Variants in NPAS2 observed in about 807,000 individuals in gnomAD.
NPAS2 encodes the protein neuronal PAS domain-containing protein 2.
NPAS2 carries 23 observed loss-of-function variants against 107.5 expected under a neutral mutation model. The observed-to-expected ratio is 0.21, with a 90% CI of 0.15 to 0.30. The LOEUF (loss-of-function observed/expected upper bound fraction) is 0.30, where lower values mean the gene tolerates loss of function less well. NPAS2 is among the 10% of genes least tolerant of loss of function. The pLI is 1.00. For synonymous variants in NPAS2, 403 were observed against 417.5 expected (o/e 0.97, Z 0.42); for missense variants, 756 against 1,043.3 (o/e 0.72, Z 3.79).
At chr2:100,945,571 C>T (rs957035230) in intron 5 of NPAS2, among the ~76,000 whole-genome samples, 3 of 152,200 alleles carry the variant, frequency 2.0e-5, no homozygotes, top group African/African-American at 7.2e-5. Context: ...CGTGGCTCCT[C>T]CTGGCACAGG....
At chr2:100,842,301 C>T (rs773041978) in intron 1 of NPAS2, among the ~76,000 whole-genome samples, 1 of 152,140 alleles carries the variant, frequency 6.6e-6, no homozygotes, top group Non-Finnish European at 1.5e-5. Context: ...CCTTTCCATC[C>T]CATCTCCAAG....
chr2:100,954,243 G>T (rs372890891), intron 7 of NPAS2, among the ~76,000 whole-genome samples: 5 of 152,304 alleles, frequency 3.3e-5, no homozygotes, highest in African/African-American at 1.2e-4. Context: ...CTTTAGGTGC[G>T]TTGCTTTGCA....
chr2:100,821,668 T>A (rs957635222), intron 1 of NPAS2, among the ~76,000 whole-genome samples: 5 of 152,298 alleles, frequency 3.3e-5, no homozygotes, highest in African/African-American at 9.6e-5. Context: ...TCCCCATCAG[T>A]GAATTGACCA....
At chr2:100,876,274 G>A (rs970222296) in intron 1 of NPAS2, among the ~76,000 whole-genome samples, 3 of 152,180 alleles carry the variant, frequency 2.0e-5, no homozygotes, top group African/African-American at 7.2e-5. Context: ...CTGAACCAAG[G>A]CGTGTGGCTG....
chr2:100,870,996 G>A (rs1036477550), intron 1 of NPAS2, among the ~76,000 whole-genome samples: 14 of 152,092 alleles, frequency 9.2e-5, no homozygotes, highest in Non-Finnish European at 1.8e-4. Context: ...TCCTGTTAAC[G>A]CTGTTCTGAC....
At chr2:100,974,674 G>T in intron 12 of NPAS2, 129 bp from the exon 13 acceptor site, 1 of 1,008,174 alleles carries the variant, frequency 9.9e-7, no homozygotes, top group Admixed American at 2.7e-5. Context: ...CTTTGGAATC[G>T]TCCCCAAACA....
chr2:100,905,017 T>A (rs1682053322), intron 2 of NPAS2, among the ~76,000 whole-genome samples: 2 of 152,156 alleles, frequency 1.3e-5, no homozygotes, highest in African/African-American at 4.8e-5. Flanking sequence ...GGCTGAGTGG[T>A]CTGGGTTTTT....
At chr2:100,924,347 T>C (rs1360854162) in intron 2 of NPAS2, among the ~76,000 whole-genome samples, 1 of 152,238 alleles carries the variant, frequency 6.6e-6, no homozygotes, top group African/African-American at 2.4e-5. Context: ...TATGGTGTCA[T>C]ACAGAGTGGA....
At chr2:100,992,253 A>G (rs1277429690) in intron 19 of NPAS2, among the ~76,000 whole-genome samples, 2 of 152,222 alleles carry the variant, frequency 1.3e-5, no homozygotes, top group Admixed American at 6.5e-5. Context: ...CATCTCTACT[A>G]AAAATACAAA....
At chr2:100,886,757 C>T (rs1680725624) in intron 1 of NPAS2, among the ~76,000 whole-genome samples, 1 of 152,098 alleles carries the variant, frequency 6.6e-6, no homozygotes, top group Admixed American at 6.6e-5. Context: ...CCTTTAATAT[C>T]CTCTAGATGA....
Position 100,952,069 on chromosome 2 carries a change from G to A in NPAS2, c.598+2589G>A, listed in dbSNP as rs530246309. On this transcript the variant is annotated intron_variant, in intron 7 of 20. Coordinates refer to ENST00000335681, the MANE Select transcript of NPAS2 (RefSeq NM_002518.4). Reference sequence around the variant, plus strand: ...AGGGAGGCTGAGGCAGAAGAATGGCGTGAACCCGGGAGGCTGAGCTTGCAG... The same window carrying A: ...AGGGAGGCTGAGGCAGAAGAATGGCATGAACCCGGGAGGCTGAGCTTGCAG... 4.0e-5 allele frequency among the ~76,000 whole-genome samples: 6 copies of A among 148,164 alleles called. No individual in the cohort carries two copies. The South Asian group carries it at 8.7e-4, about 22-fold the overall frequency.
intron 1 of NPAS2, among the ~76,000 whole-genome samples, chr2:100,875,890 A>C (rs1009273065): frequency 1.3e-5 from 2 of 152,240 alleles, no homozygotes; most frequent in Non-Finnish European, 2.9e-5. Context: ...CGCAGAAAGC[A>C]AACTTCAAGC....
intron 2 of NPAS2, among the ~76,000 whole-genome samples, chr2:100,909,619 G>A (rs542102391): frequency 2.2e-4 from 33 of 152,250 alleles, no homozygotes; most frequent in African/African-American, 7.7e-4. Flanking sequence ...GGAGCCTGTC[G>A]TGCTAATTTT....
At chr2:100,989,580 A>G (rs1421568256) in intron 17 of NPAS2, 1 of 152,284 alleles carries the variant, frequency 6.6e-6, no homozygotes, top group Non-Finnish European at 1.5e-5. Flanking sequence ...TCAGTGAAAT[A>G]GACAGAAAAC....
chr2:100,988,283 G>A lies in NPAS2; in HGVS notation c.1827+7G>A, dbSNP rs769976935. ...AAGTGTGATATCAACCCAGGTAAAT[G>A]TGCTCCTTGCCAGCTTCACTCCTTG... On this transcript the variant is annotated splice_region_variant and intron_variant, in intron 17 of 20. Transcript: ENST00000335681. The A allele has an allele frequency of 8.7e-6, 14 of 1,611,728 alleles. No homozygotes were observed. The East Asian group carries it at 8.9e-5, about 10-fold the overall frequency.
intron 1 of NPAS2, among the ~76,000 whole-genome samples, chr2:100,842,470 G>T (rs571542061): frequency 6.6e-6 from 1 of 152,258 alleles, no homozygotes; most frequent in African/African-American, 2.4e-5. Flanking sequence ...TGTGGTCTGG[G>T]TGTCGGGGCT....
At chr2:100,967,367 C>CA (rs143085995) in intron 10 of NPAS2, among the ~76,000 whole-genome samples, 27,990 of 149,536 alleles carry the variant, frequency 0.19, 3,463 homozygotes, top group East Asian at 0.47. Flanking sequence ...GCTGGGACAA[C>CA]AGACGCCCGC....
chr2:100,993,392 C>T lies in NPAS2; in HGVS notation c.2157C>T (p.Pro719=), dbSNP rs538570517. 2.1e-5 allele frequency: 34 copies of T among 1,610,366 alleles called. No homozygotes were observed. The East Asian group carries it at 2.5e-4, about 12-fold the overall frequency. Residue 719 remains proline, a synonymous_variant, in exon 20 of 21, where the codon CCC becomes CCT. Transcript: ENST00000335681. Reference sequence around the variant, plus strand: ...TGTTTCAAAATCCAGACGCACACCCCGCCAACAGCAGCAGCGCCCCGATGC... The same window carrying T: ...TGTTTCAAAATCCAGACGCACACCCTGCCAACAGCAGCAGCGCCCCGATGC... The part of the protein sequence containing the change: ...QTVFQNPDAH[P]ANSSSAPMPV...
At chr2:100,936,936 C>A (rs913991804) in intron 4 of NPAS2, among the ~76,000 whole-genome samples, 1 of 136,602 alleles carries the variant, frequency 7.3e-6, no homozygotes, top group Admixed American at 8.3e-5. Context: ...GAGCCGAGAT[C>A]ATGCCACTGC....
Sources: allele counts gnomAD v4.1 joint callset (sites outside exome capture counted in the v4.1 genomes callset), GRCh38; gene constraint gnomAD v4.1.1; transcripts MANE v1.5; gene names NCBI Gene and HGNC (gene_info 2026-07-23, HGNC 2026-07-21).